The following NYNRIN variants were observed in gnomAD, a reference collection of about 807,000 sequenced individuals.
The protein encoded by NYNRIN is NYN domain and retroviral integrase containing.
A neutral mutation model predicts 146.6 loss-of-function variants in NYNRIN; 86 were observed. The ratio of observed to expected loss-of-function variants is 0.59; its 90% CI spans 0.49 to 0.70. NYNRIN has a LOEUF of 0.70. Among genes scored for constraint, NYNRIN ranks in the 30% least tolerant of loss-of-function variants. NYNRIN has a pLI of 0.00. For missense variants in NYNRIN, 2,191 were observed against 2,377.7 expected (o/e 0.92, Z 1.63); for synonymous variants, 1,027 against 1,001.3 (o/e 1.03, Z -0.48).
In NYNRIN at chr14:24,411,506, G is replaced by C. The variant is rs2042912716; in HGVS notation, c.2642+56G>C. The stretch of plus-strand genomic sequence containing the variant: ...GCTCAGGGAGTTGGGCCTGGCTGGT[G>C]TGTCAGGTGGAGTCCGGCCTGTCTT... On this transcript the variant is annotated intron_variant, in intron 6 of 8. Coordinates refer to ENST00000382554, the MANE Select transcript of NYNRIN (RefSeq NM_025081.3). The surrounding 1 kb of genome is among the most constrained non-coding windows in gnomAD (Gnocchi z 4.3). 6.8e-7 allele frequency: 1 copy of C among 1,462,736 alleles called. No individual in the cohort carries two copies. Among genetic ancestry groups the C allele is most frequent in the African/African-American group, 1.4e-5 (1 of 71,662 alleles). The allele number at this position is 1,462,736 out of a possible 1,614,324, so 90.6% of individuals were successfully genotyped here. A position where few individuals can be genotyped will look rare whatever the true frequency, so the allele number is the denominator to read the frequency against.
rs551512602 is a variant in NYNRIN, at chr14:24,414,206, C to T, written c.2847-390C>T. 3.9e-5 allele frequency among the ~76,000 whole-genome samples: 6 copies of T among 152,352 alleles called. No homozygotes were observed. In the East Asian group the frequency reaches 7.7e-4, roughly 20 times the overall value. ...GTGGATGAGGTTTGTCTGCTGTGTCCTCACAAGCTCCTTGTCAGGCTCTCC... is the reference window on the plus strand; with the variant it reads ...GTGGATGAGGTTTGTCTGCTGTGTCTTCACAAGCTCCTTGTCAGGCTCTCC... On this transcript the variant is annotated intron_variant, in intron 8 of 8. Coordinates refer to ENST00000382554, the MANE Select transcript of NYNRIN (RefSeq NM_025081.3).
In NYNRIN at chr14:24,410,077, G is replaced by A. The variant is rs377740529; in HGVS notation, c.2283G>A (p.Ala761=). ...APRQPPRHLQ[A]NSTVTSFQRY... ...GGCAGCCACCTCGCCACCTGCAAGC[G>A]AACAGCACAGTGACCAGCTTCCAGA... The change falls in exon 4 of 9, where the codon GCG becomes GCA. Residue 761 remains alanine (A), a synonymous_variant. Coordinates refer to ENST00000382554, the MANE Select transcript of NYNRIN (RefSeq NM_025081.3). 33 of 1,613,838 alleles carry A rather than the reference G, an allele frequency of 2.0e-5. No homozygotes were observed. Among genetic ancestry groups the A allele is most frequent in the African/African-American group, 2.7e-5 (2 of 74,940 alleles).
chr14:24,403,139 C>G (rs2042855351), intron 2 of NYNRIN, among the ~76,000 whole-genome samples: 1 of 152,192 alleles, frequency 6.6e-6, no homozygotes, highest in African/African-American at 2.4e-5. Context: ...CCTCATTATG[C>G]CTTGCACATA....
Position 24,411,153 on chromosome 14 carries a change from A to G in NYNRIN, c.2492A>G (p.Glu831Gly). The G allele has an allele frequency of 6.2e-7, 1 of 1,609,666 alleles. No individual in the cohort carries two copies. Among genetic ancestry groups the G allele is most frequent in the Non-Finnish European group, 8.5e-7 (1 of 1,177,918 alleles). The change falls in exon 5 of 9, where the codon GAG becomes GGG. Residue 831 changes from glutamate to glycine, a missense_variant. Coordinates refer to ENST00000382554, the MANE Select transcript of NYNRIN (RefSeq NM_025081.3). This position sits in a 1 kb window ranked among gnomAD's most constrained non-coding sequence, Gnocchi z 4.3. ...TTTTTCTGGAACCGGGGACACCGAG[A>G]GGTCACTGTGTTTGTACCCACCTGG... ...VQFFWNRGHR[E>G]VTVFVPTWQL... is the part of the protein sequence containing the mutation.
chr14:24,402,347 T>C (rs2139341519), intron 2 of NYNRIN, among the ~76,000 whole-genome samples: 1 of 152,148 alleles, frequency 6.6e-6, no homozygotes, highest in South Asian at 2.1e-4. Context: ...GCTCCACCCT[T>C]CTCCCCTTTG....
chr14:24,413,008 A>G lies in NYNRIN; in HGVS notation c.2654A>G (p.Lys885Arg). The G allele has an allele frequency of 6.3e-7, 1 of 1,596,682 alleles. No individual in the cohort carries two copies. Among genetic ancestry groups the G allele is most frequent in the South Asian group, 1.1e-5 (1 of 87,534 alleles). The change falls in exon 7 of 9, where the codon AAG becomes AGG. Residue 885 changes from lysine to arginine, a missense_variant. Transcript: ENST00000382554. ...CCCTCTCCCTGCAGGTTCATGGTAA[A>G]GCTGGCAGAGGAGACAGATGGCATC... ...ITTYDYRFMV[K>R]LAEETDGIIV...
rs3814811 is a variant in NYNRIN at position 24,418,256 on chromosome 14, T to C, written c.*810T>C. On this transcript the variant is annotated 3_prime_UTR_variant, in exon 9 of 9. Coordinates refer to ENST00000382554, the MANE Select transcript of NYNRIN (RefSeq NM_025081.3). ...CTTGATGCCAAGTGTGGCATCTCTATCTGAAGAGCTGCTTCTGTTAGACCC... is the reference window on the plus strand; with the variant it reads ...CTTGATGCCAAGTGTGGCATCTCTACCTGAAGAGCTGCTTCTGTTAGACCC... 437,163 of 456,442 alleles carry C rather than the reference T, an allele frequency of 0.96. 209,703 individuals are homozygous for C. The highest frequency in any genetic ancestry group is 0.98 in the Admixed American group (41,829 of 42,570). The allele number at this position is 456,442 out of a possible 1,614,324, so 28.3% of individuals were successfully genotyped here.
chr14:24,412,559 A>G (rs2042918688), intron 6 of NYNRIN: 1 of 169,720 alleles, frequency 5.9e-6, no homozygotes, highest in African/African-American at 2.4e-5. Flanking sequence ...TGTGGCCGGC[A>G]CTTACCTAGA....
intron 7 of NYNRIN, 39 bp downstream of exon 7, chr14:24,413,137 T>C: frequency 6.7e-7 from 1 of 1,486,252 alleles, no homozygotes; most frequent in Non-Finnish European, 9.2e-7. Context: ...TTCCTTCCCC[T>C]TGGATGTCAG....
In NYNRIN at chr14:24,411,457, C is replaced by T. The variant is rs373057550; in HGVS notation, c.2642+7C>T. ...TCACCACCTACGATTATAGGTGTGC[C>T]GGTCCCCAGGCCTGCCCTCCTGGGC... On this transcript the variant is annotated splice_region_variant and intron_variant, in intron 6 of 8. Coordinates refer to ENST00000382554, the MANE Select transcript of NYNRIN (RefSeq NM_025081.3). The surrounding 1 kb of genome is among the most constrained non-coding windows in gnomAD (Gnocchi z 4.3). 197 of 1,611,444 alleles carry T rather than the reference C, an allele frequency of 1.2e-4. No homozygotes were observed. The highest frequency in any genetic ancestry group is 1.6e-4 in the Middle Eastern group (1 of 6,080).
chr14:24,411,170 C>A lies in NYNRIN; in HGVS notation c.2509C>A (p.Pro837Thr). ...ACACCGAGAGGTCACTGTGTTTGTA[C>A]CCACCTGGCAGCTGAAGAAGAACCG... The part of the protein sequence containing the change: ...RGHREVTVFV[P>T]TWQLKKNRRV... The change falls in exon 5 of 9, where the codon CCC becomes ACC. Residue 837 changes from proline to threonine, a missense_variant. This residue lies in a region of NYNRIN where 1,291 missense variants were observed against 1,417.0 expected (regional missense o/e 0.91). Transcript: ENST00000382554. The surrounding 1 kb of genome is among the most constrained non-coding windows in gnomAD (Gnocchi z 4.3). 1 of 1,606,370 alleles carries A rather than the reference C, an allele frequency of 6.2e-7. No homozygotes were observed. The highest frequency in any genetic ancestry group is 8.5e-7 in the Non-Finnish European group (1 of 1,176,356).
chr14:24,412,797 A>C, intron 6 of NYNRIN, 200 bp from the exon 7 acceptor site: 1 of 496,090 alleles, frequency 2.0e-6, no homozygotes, highest in Non-Finnish European at 3.6e-6. Flanking sequence ...TCACCCTTGG[A>C]TGACCTTGAT....
At chr14:24,405,332 A>G (rs2042870194) in intron 2 of NYNRIN, among the ~76,000 whole-genome samples, 1 of 152,238 alleles carries the variant, frequency 6.6e-6, no homozygotes, top group Non-Finnish European at 1.5e-5. Flanking sequence ...GAATAATATT[A>G]AAATATGTCA....
intron 2 of NYNRIN, among the ~76,000 whole-genome samples, chr14:24,405,702 C>T (rs998408990): frequency 7.2e-5 from 11 of 152,150 alleles, no homozygotes; most frequent in African/African-American, 2.4e-4. Context: ...GACATATGGC[C>T]TTCCTTGCTC....
Position 24,408,656 on chromosome 14 carries a change from G to A in NYNRIN, c.862G>A (p.Gly288Ser), listed in dbSNP as rs994846671. Residue 288 changes from glycine to serine, a missense_variant, in exon 4 of 9, where the codon GGT becomes AGT. Physicochemically the swap from Gly to Ser is moderately conservative, Grantham distance 56. Coordinates refer to ENST00000382554, the MANE Select transcript of NYNRIN (RefSeq NM_025081.3). ...ATGAACTTGGGCTTCCTCCAGGGTC[G>A]GTTCCAACAACCAAGATGGTATGGA... ...QEAANQLVRV[G>S]SNNQDGMDSA... The A allele has an allele frequency of 7.5e-6, 12 of 1,596,974 alleles. No individual in the cohort carries two copies. The highest frequency in any genetic ancestry group is 4.0e-5 in the African/African-American group (3 of 74,240).
rs773979447 is a variant in NYNRIN at position 24,416,297 on chromosome 14, C to G, written c.4548C>G (p.Leu1516=). The G allele has an allele frequency of 7.4e-6, 12 of 1,613,828 alleles. No individual in the cohort carries two copies. Among genetic ancestry groups the G allele is most frequent in the Non-Finnish European group, 8.5e-6 (10 of 1,179,848 alleles). ...PFSSAFNSLS[L]DKESGLLMFK... ...GTTCTGCCTTTAACTCACTCAGCCT[C>G]GACAAGGAGAGTGGCCTGCTTATGT... Residue 1516 remains leucine (L), a synonymous_variant, in exon 9 of 9, where the codon CTC becomes CTG. Coordinates refer to ENST00000382554, the MANE Select transcript of NYNRIN (RefSeq NM_025081.3).
Position 24,411,179 on chromosome 14 carries a change from C to T in NYNRIN, c.2518C>T (p.Gln840Ter). The change falls in exon 5 of 9, where the codon CAG (glutamine) becomes TAG (stop). Residue 840 changes from glutamine to a stop codon, truncating the protein, a stop_gained. Coordinates refer to ENST00000382554, the MANE Select transcript of NYNRIN (RefSeq NM_025081.3). LOFTEE classifies it high-confidence loss of function. This position sits in a 1 kb window ranked among gnomAD's most constrained non-coding sequence, Gnocchi z 4.3. ...REVTVFVPTWQLKKNRRVRES... is the reference protein window; with the variant it reads ...REVTVFVPTW The stretch of plus-strand genomic sequence containing the variant: ...GGTCACTGTGTTTGTACCCACCTGG[C>T]AGCTGAAGAAGAACCGGAGGGTGAG... 6.2e-7 allele frequency: 1 copy of T among 1,605,016 alleles called. No individual in the cohort carries two copies. Among genetic ancestry groups the T allele is most frequent in the Non-Finnish European group, 8.5e-7 (1 of 1,175,600 alleles).
chr14:24,404,960 A>G (rs2042867224), intron 2 of NYNRIN, among the ~76,000 whole-genome samples: 1 of 151,924 alleles, frequency 6.6e-6, no homozygotes, highest in Non-Finnish European at 1.5e-5. Flanking sequence ...CCTGGAGAAC[A>G]GCCCTCCAGT....
chr14:24,414,608 C>T lies in NYNRIN; in HGVS notation c.2859C>T (p.Asp953=). ...TGTTTTGGTGTAGGTTGGACACTGA[C>T]ATTGGCAACTTCCTGAAGGTGTGGA... The part of the protein sequence containing the change: ...FLKKPNRLDT[D]IGNFLKVWKT... Residue 953 remains aspartate (D), a synonymous_variant, in exon 9 of 9, where the codon GAC becomes GAT. Coordinates refer to ENST00000382554, the MANE Select transcript of NYNRIN (RefSeq NM_025081.3). 6.2e-7 allele frequency: 1 copy of T among 1,611,050 alleles called. No individual in the cohort carries two copies. Among genetic ancestry groups the T allele is most frequent in the Admixed American group, 1.7e-5 (1 of 59,866 alleles).
Sources: gnomAD v4.1 joint callset for allele counts (sites outside exome capture counted in the v4.1 genomes callset) on GRCh38, gnomAD v4.1.1 for gene constraint, gnomAD v4.1.1 regional missense constraint, Gnocchi (gnomAD v3.1) non-coding constraint, MANE v1.5 for transcripts, NCBI Gene and HGNC (gene_info 2026-07-23, HGNC 2026-07-21) for gene names.